Variants in STPG2 observed in about 807,000 individuals in gnomAD.
STPG2 encodes sperm-tail PG-rich repeat-containing protein 2.
A neutral mutation model predicts 54.2 loss-of-function variants in STPG2; 56 were observed. The ratio of observed to expected loss-of-function variants is 1.03; its 90% CI spans 0.83 to 1.29. STPG2 has a LOEUF of 1.29. Ranked by LOEUF, STPG2 falls within the 50% of genes most tolerant of loss-of-function variation. The probability of loss-of-function intolerance (pLI) is 0.00; values close to 1 mark genes in which losing one functional copy is unlikely to be tolerated. For missense variants in STPG2, 596 were observed against 544.9 expected (o/e 1.09, Z -0.93); for synonymous variants, 200 against 181.8 (o/e 1.10, Z -0.81).
intron 7 of STPG2, among the ~76,000 whole-genome samples, chr4:97,958,370 T>C (rs1733764540): frequency 6.6e-6 from 1 of 151,864 alleles, no homozygotes; most frequent in Non-Finnish European, 1.5e-5. Context: ...GCATGATAAA[T>C]GGAATAGTAC....
intron 5 of STPG2, among the ~76,000 whole-genome samples, chr4:98,067,814 CT>C (rs1489471461): frequency 6.6e-6 from 1 of 152,088 alleles, no homozygotes; most frequent in African/African-American, 2.4e-5. Context: ...TGGTTGAAGT[CT>C]TGCTCATATC....
chr4:97,828,542 A>C (rs1728339138), intron 9 of STPG2, among the ~76,000 whole-genome samples: 2 of 152,026 alleles, frequency 1.3e-5, no homozygotes, highest in African/African-American at 4.8e-5. Flanking sequence ...CAGCAAGACA[A>C]AACCATTCAC....
At chr4:97,723,101 C>T (rs1365970833) in intron 9 of STPG2, among the ~76,000 whole-genome samples, 1 of 151,674 alleles carries the variant, frequency 6.6e-6, no homozygotes, top group Non-Finnish European at 1.5e-5. Flanking sequence ...CGTGAGCCAC[C>T]GCGCCCGGCC....
chr4:97,453,349 C>T (rs1183600503), intron 4 of STPG2, among the ~76,000 whole-genome samples: 2 of 152,190 alleles, frequency 1.3e-5, no homozygotes, highest in Non-Finnish European at 2.9e-5. Context: ...CACACTTGCT[C>T]ACACACCCTT....
At chr4:97,756,589 G>A (rs1027030830) in intron 9 of STPG2, among the ~76,000 whole-genome samples, 5 of 152,046 alleles carry the variant, frequency 3.3e-5, no homozygotes, top group Non-Finnish European at 5.9e-5. Context: ...GCCTCCCAAA[G>A]TGCTGCTATT....
intron 9 of STPG2, among the ~76,000 whole-genome samples, chr4:97,837,142 C>T (rs1490146345): frequency 6.6e-6 from 1 of 151,514 alleles, no homozygotes; most frequent in Non-Finnish European, 1.5e-5. Flanking sequence ...ACTTTTCTTT[C>T]CATTTAGGAC....
intron 7 of STPG2, among the ~76,000 whole-genome samples, chr4:97,960,154 A>C (rs1733833261): frequency 6.6e-6 from 1 of 152,166 alleles, no homozygotes; most frequent in African/African-American, 2.4e-5. Context: ...GCATCACTTT[A>C]TGATTAAAAT....
intron 8 of STPG2, among the ~76,000 whole-genome samples, chr4:97,853,373 G>T (rs571586040): frequency 1.6e-4 from 25 of 152,036 alleles, no homozygotes; most frequent in Non-Finnish European, 1.3e-4. Flanking sequence ...TCATGTATAC[G>T]TATGTAACAA....
chr4:97,473,692 TC>T (rs941138369), intron 4 of STPG2, among the ~76,000 whole-genome samples: 1 of 152,052 alleles, frequency 6.6e-6, no homozygotes, highest in African/African-American at 2.4e-5. Context: ...AAACACTCCC[TC>T]CCCTTTTGAA....
intron 9 of STPG2, among the ~76,000 whole-genome samples, chr4:97,783,231 C>T (rs1035723417): frequency 6.6e-6 from 1 of 151,752 alleles, no homozygotes; most frequent in Non-Finnish European, 1.5e-5. Flanking sequence ...AACAAATTTA[C>T]AAGAAAAAAC....
chr4:97,943,109 C>T (rs1733053132), intron 8 of STPG2, among the ~76,000 whole-genome samples: 1 of 152,130 alleles, frequency 6.6e-6, no homozygotes, highest in Non-Finnish European at 1.5e-5. Flanking sequence ...AGTATCTTCT[C>T]TGAGTCCTCA....
intron 10 of STPG2, among the ~76,000 whole-genome samples, chr4:97,562,465 C>T (rs893654204): frequency 6.6e-5 from 10 of 152,180 alleles, no homozygotes; most frequent in Non-Finnish European, 1.3e-4. Flanking sequence ...CTGGCCAGAA[C>T]TTCCAACACT....
At chr4:97,734,939 G>A (rs977770807) in intron 9 of STPG2, among the ~76,000 whole-genome samples, 5 of 152,010 alleles carry the variant, frequency 3.3e-5, no homozygotes, top group Admixed American at 6.6e-5. Context: ...TGGGCATGGT[G>A]GCAGGCGCCT....
chr4:97,559,468 T>A (rs1220170533), intron 10 of STPG2, among the ~76,000 whole-genome samples: 1 of 152,204 alleles, frequency 6.6e-6, no homozygotes, highest in South Asian at 2.1e-4. Flanking sequence ...CCTATCCTAA[T>A]AGGATATGGC....
intron 10 of STPG2, among the ~76,000 whole-genome samples, chr4:97,581,163 T>C (rs1006419366): frequency 1.3e-5 from 2 of 152,094 alleles, no homozygotes; most frequent in Non-Finnish European, 2.9e-5. Context: ...ATTCATTTCT[T>C]TGGTCACACT....
intron 8 of STPG2, among the ~76,000 whole-genome samples, chr4:97,876,601 A>G (rs1224150026): frequency 1.3e-5 from 2 of 152,016 alleles, no homozygotes; most frequent in African/African-American, 4.8e-5. Context: ...TTTTCTTTGA[A>G]TATCTTTTCC....
chr4:97,573,796 G>A lies in STPG2; in HGVS notation c.1321-14679C>T, dbSNP rs139224316. 4.1e-3 allele frequency among the ~76,000 whole-genome samples: 628 copies of A among 152,150 alleles called. 3 individuals carry two copies. Among genetic ancestry groups the A allele is most frequent in the South Asian group, 0.02 (98 of 4,818 alleles). On this transcript the variant is annotated intron_variant, in intron 10 of 10. Transcript: ENST00000295268. ...ATTATGAGCTAATGTGGCAGGCCAGGTCTCACTAACAGCTGAAATGGCAGG... is the reference window on the plus strand; with the variant it reads ...ATTATGAGCTAATGTGGCAGGCCAGATCTCACTAACAGCTGAAATGGCAGG...
At chr4:97,594,334 A>G (rs867898755) in intron 10 of STPG2, among the ~76,000 whole-genome samples, 1 of 152,256 alleles carries the variant, frequency 6.6e-6, no homozygotes, top group South Asian at 2.1e-4. Flanking sequence ...TGAAAAACTC[A>G]TGTCAAGAAT....
intron 8 of STPG2, among the ~76,000 whole-genome samples, chr4:97,854,278 T>C (rs889480701): frequency 2.0e-5 from 3 of 152,038 alleles, no homozygotes; most frequent in East Asian, 1.9e-4. Context: ...TTGCTGGCTA[T>C]ATAACCATAT....
Sources: gnomAD v4.1 joint callset for allele counts (sites outside exome capture counted in the v4.1 genomes callset) on GRCh38, gnomAD v4.1.1 for gene constraint, MANE v1.5 for transcripts, NCBI Gene and HGNC (gene_info 2026-07-23, HGNC 2026-07-21) for gene names.